PABPC1: variants seen among roughly 807,000 people sequenced by gnomAD.
PABPC1 encodes polyadenylate-binding protein 1.
PABPC1 carries 4 observed loss-of-function variants against 74.0 expected under a neutral mutation model. The observed-to-expected ratio is 0.05, with a 90% CI of 0.03 to 0.12. The LOEUF (loss-of-function observed/expected upper bound fraction) is 0.12, where lower values mean the gene tolerates loss of function less well. Among genes scored for constraint, PABPC1 ranks in the 10% least tolerant of loss-of-function variants. The pLI, the probability that PABPC1 is intolerant of heterozygous loss-of-function variation, is 1.00. For missense variants in PABPC1, 271 were observed against 821.1 expected (o/e 0.33, Z 8.19); for synonymous variants, 227 against 264.1 (o/e 0.86, Z 1.36).
Position 100,722,046 on chromosome 8 carries a change from C to A in PABPC1, c.-463G>T. 1 of 153,144 alleles carries A rather than the reference C, an allele frequency of 6.5e-6. No homozygotes were observed. The highest frequency in any genetic ancestry group is 1.9e-4 in the South Asian group (1 of 5,348). The allele number at this position is 153,144 out of a possible 1,614,324, so 9.5% of individuals were successfully genotyped here. A position where few individuals can be genotyped will look rare whatever the true frequency, so the allele number is the denominator to read the frequency against. Reference sequence around the variant, plus strand: ...ATAAATGTGTGTTCCGAGCCCGGAGCACACACTCCGCACTCTCAGCACTAA... The same window carrying A: ...ATAAATGTGTGTTCCGAGCCCGGAGAACACACTCCGCACTCTCAGCACTAA... On this transcript the variant is annotated 5_prime_UTR_variant, in exon 1 of 15. Transcript: ENST00000318607.
intron 1 of PABPC1, among the ~76,000 whole-genome samples, chr8:100,719,700 T>C (rs936413378): frequency 6.6e-6 from 1 of 152,124 alleles, no homozygotes; most frequent in Non-Finnish European, 1.5e-5. Context: ...TCCCAAGAAA[T>C]GTAAAAATTG....
At position 100,704,832 on chromosome 8, in the gene PABPC1, A is replaced by G. The variant is rs1042544854; in HGVS notation, c.1818+94T>C. 2.5e-5 allele frequency: 32 copies of G among 1,263,600 alleles called. No individual in the cohort carries two copies. The South Asian group carries it at 3.4e-4, about 14-fold the overall frequency. The allele number at this position is 1,263,600 out of a possible 1,614,324, so 78.3% of individuals were successfully genotyped here. A position where few individuals can be genotyped will look rare whatever the true frequency, so the allele number is the denominator to read the frequency against. Reference sequence around the variant, plus strand: ...CTTTACAACTGTACATGGCTTATATATAACACGATGTAAGTGTTCTGTACA... The same window carrying G: ...CTTTACAACTGTACATGGCTTATATGTAACACGATGTAAGTGTTCTGTACA... On this transcript the variant is annotated intron_variant, in intron 13 of 14. Transcript: ENST00000318607.
intron 3 of PABPC1, 28 bp from the exon 4 acceptor site, chr8:100,715,629 T>C: frequency 6.6e-7 from 1 of 1,517,486 alleles, no homozygotes; most frequent in South Asian, 1.2e-5. Flanking sequence ...GACTATAACA[T>C]TAGATTCTAT....
chr8:100,721,548 C>T lies in PABPC1; in HGVS notation c.36G>A (p.Ser12=). ...CGGGGTGGAGGTCCCCCACGTAGAG[C>T]GAGGCCATGGGGTAGCTGGGGGCAC... ...NPSAPSYPMA[S]LYVGDLHPDV... is the part of the protein sequence containing the mutation. The change falls in exon 1 of 15, where the codon TCG becomes TCA. Residue 12 remains serine, a synonymous_variant. Coordinates refer to ENST00000318607, the MANE Select transcript of PABPC1 (RefSeq NM_002568.4). The surrounding 1 kb of genome is among the most constrained non-coding windows in gnomAD (Gnocchi z 7.4). The T allele has an allele frequency of 6.2e-7, 1 of 1,607,906 alleles. No individual in the cohort carries two copies. The highest frequency in any genetic ancestry group is 8.5e-7 in the Non-Finnish European group (1 of 1,176,416).
chr8:100,716,754 C>A (rs531713428), intron 3 of PABPC1, among the ~76,000 whole-genome samples: 13 of 152,204 alleles, frequency 8.5e-5, no homozygotes, highest in Non-Finnish European at 1.6e-4. Flanking sequence ...TGTTCACAGG[C>A]ACAATCACAA....
chr8:100,711,850 G>A (rs1188593314), intron 7 of PABPC1, among the ~76,000 whole-genome samples: 9 of 152,214 alleles, frequency 5.9e-5, no homozygotes, highest in Non-Finnish European at 1.5e-5. Flanking sequence ...TTGCATATAG[G>A]GGGACTCTTG....
chr8:100,704,785 G>C, intron 13 of PABPC1, 141 bp downstream of exon 13: 1 of 835,064 alleles, frequency 1.2e-6, no homozygotes, highest in East Asian at 2.6e-5. Flanking sequence ...GGGATAAATA[G>C]CGCCACAGGT....
intron 4 of PABPC1, among the ~76,000 whole-genome samples, chr8:100,714,099 T>C (rs962649153): frequency 6.6e-6 from 1 of 152,144 alleles, no homozygotes; most frequent in Non-Finnish European, 1.5e-5. Flanking sequence ...ATTACAGAAA[T>C]TTAGAAGATG....
At chr8:100,708,187 A>C (rs1810432065) in intron 9 of PABPC1, among the ~76,000 whole-genome samples, 1 of 152,218 alleles carries the variant, frequency 6.6e-6, no homozygotes, top group Non-Finnish European at 1.5e-5. Context: ...TTGCCTTGGC[A>C]CCTGGGTGGT....
intron 2 of PABPC1, 67 bp downstream of exon 2, chr8:100,718,020 T>C (rs1017304363): frequency 2.8e-6 from 4 of 1,441,150 alleles, no homozygotes; most frequent in African/African-American, 1.4e-5. Context: ...GCACAGTTCC[T>C]ATTTCAAGCA....
At chr8:100,714,366 T>C (rs1810609177) in intron 4 of PABPC1, among the ~76,000 whole-genome samples, 1 of 152,206 alleles carries the variant, frequency 6.6e-6, no homozygotes, top group South Asian at 2.1e-4. Flanking sequence ...ATATCATCTA[T>C]CTTTGTGCAA....
At position 100,721,764 on chromosome 8, in the gene PABPC1, TG is replaced by T. The variant is rs1410320400; in HGVS notation, c.-182del. 3.5e-5 allele frequency: 17 copies of T among 482,498 alleles called. No individual in the cohort carries two copies. The highest frequency in any genetic ancestry group is 5.6e-4 in the Middle Eastern group (1 of 1,772). 29.9% of individuals were successfully genotyped at this position (482,498 alleles called of 1,614,324 possible). The stretch of plus-strand genomic sequence containing the variant: ...CAGAACGGGGTCGATCCACTGCCGC[TG>T]GCTGCCGGCTGCCGGCGGGGAGCGA... On this transcript the variant is annotated 5_prime_UTR_variant, in exon 1 of 15. Coordinates refer to ENST00000318607, the MANE Select transcript of PABPC1 (RefSeq NM_002568.4). This position sits in a 1 kb window ranked among gnomAD's most constrained non-coding sequence, Gnocchi z 7.4.
At chr8:100,707,976 T>C (rs1810426159) in intron 9 of PABPC1, among the ~76,000 whole-genome samples, 1 of 152,216 alleles carries the variant, frequency 6.6e-6, no homozygotes, top group African/African-American at 2.4e-5. Context: ...CTATGTCCCC[T>C]CAGCTCCTAT....
intron 4 of PABPC1, among the ~76,000 whole-genome samples, chr8:100,714,957 T>A (rs971368193): frequency 6.6e-6 from 1 of 152,184 alleles, no homozygotes; most frequent in East Asian, 1.9e-4. Flanking sequence ...GTACTTTGAA[T>A]CACTGGAAAA....
intron 7 of PABPC1, 151 bp downstream of exon 7, chr8:100,712,211 T>A (rs1810545736): frequency 5.5e-6 from 3 of 548,188 alleles, no homozygotes; most frequent in Middle Eastern, 5.2e-4. Context: ...ACCATTAGGC[T>A]ATGACAACCA....
At position 100,717,959 on chromosome 8, in the gene PABPC1, A is replaced by G. The variant is rs1338145374; in HGVS notation, c.388-71T>C. The G allele has an allele frequency of 2.9e-6, 4 of 1,362,318 alleles. No individual in the cohort carries two copies. In the African/African-American group the frequency reaches 4.3e-5, roughly 15 times the overall value. 84.4% of individuals were successfully genotyped at this position (1,362,318 alleles called of 1,614,324 possible). On this transcript the variant is annotated intron_variant, in intron 2 of 14. Transcript: ENST00000318607. ...AACATTTGTTCAGTGTTGAGAGACA[A>G]TCTGTTAGCCATCTAACCTGGATAT...
chr8:100,720,236 C>A (rs2129763414), intron 1 of PABPC1, among the ~76,000 whole-genome samples: 1 of 151,976 alleles, frequency 6.6e-6, no homozygotes, highest in Middle Eastern at 3.4e-3. Context: ...AAAGACAAAT[C>A]CTAGCAACTC....
At chr8:100,708,908 A>T (rs79508619) in intron 9 of PABPC1, among the ~76,000 whole-genome samples, 150 of 132,710 alleles carry the variant, frequency 1.1e-3, no homozygotes, top group Non-Finnish European at 1.3e-3. Flanking sequence ...AATAAATAAA[A>T]AATGAAGAGC....
rs561784545 is a variant in PABPC1 at position 100,714,870 on chromosome 8, C to A, written c.643+592G>T. Among the ~76,000 whole-genome samples, 21 of 152,246 alleles carry A rather than the reference C, an allele frequency of 1.4e-4. No homozygotes were observed. The South Asian group carries it at 3.9e-3, about 29-fold the overall frequency. ...CTTAAAAGTTATTTTATCTGTTATA[C>A]CCCTACCTAAACTAAGGCTGGTTTG... On this transcript the variant is annotated intron_variant, in intron 4 of 14. Coordinates refer to ENST00000318607, the MANE Select transcript of PABPC1 (RefSeq NM_002568.4).
Sources: gnomAD v4.1 joint callset for allele counts (sites outside exome capture counted in the v4.1 genomes callset) on GRCh38, gnomAD v4.1.1 for gene constraint, Gnocchi (gnomAD v3.1) non-coding constraint, MANE v1.5 for transcripts, NCBI Gene and HGNC (gene_info 2026-07-23, HGNC 2026-07-21) for gene names.